Variants in DIAPH2 observed in about 807,000 individuals in gnomAD.
DIAPH2 encodes the protein protein diaphanous homolog 2.
Under a neutral mutation model 92.7 loss-of-function variants are expected in DIAPH2, and 35 were observed. The ratio of observed to expected loss-of-function variants is 0.38; its 90% CI spans 0.29 to 0.50. DIAPH2 has a LOEUF of 0.50. Among genes scored for constraint, DIAPH2 ranks in the 20% least tolerant of loss-of-function variants. The pLI is 0.94. For synonymous variants in DIAPH2, 301 were observed against 280.4 expected (o/e 1.07, Z -0.73); for missense variants, 701 against 819.5 (o/e 0.86, Z 1.77).
intron 25 of DIAPH2, among the ~76,000 whole-genome samples, chrX:97,427,110 G>A (rs1347914540): frequency 9.2e-6 from 1 of 109,017 alleles, no homozygotes; most frequent in Non-Finnish European, 1.9e-5. Context: ...CCCAGGAGGC[G>A]GAGGTTGTAG....
chrX:96,810,308 A>G (rs1186612624), intron 4 of DIAPH2, among the ~76,000 whole-genome samples: 2 of 112,064 alleles, frequency 1.8e-5, no homozygotes, highest in African/African-American at 6.5e-5. Context: ...TGGCTGCATA[A>G]ATGTCTTCTT....
chrX:96,914,200 A>G (rs2065487766), intron 7 of DIAPH2, among the ~76,000 whole-genome samples: 2 of 110,965 alleles, frequency 1.8e-5, no homozygotes, highest in South Asian at 7.6e-4. Context: ...AGTGGACATG[A>G]GACTCCTGAA....
chrX:97,508,182 A>T (rs1315768071), intron 26 of DIAPH2, among the ~76,000 whole-genome samples: 1 of 111,687 alleles, frequency 9.0e-6, no homozygotes, highest in East Asian at 2.8e-4. Context: ...CTAAAAAAAA[A>T]ATGACATGAC....
chrX:97,437,197 G>C (rs2070196086), intron 26 of DIAPH2, among the ~76,000 whole-genome samples: 1 of 111,749 alleles, frequency 8.9e-6, no homozygotes, highest in Admixed American at 9.6e-5. Context: ...CTTTCTCCCT[G>C]AAGATAAGTT....
intron 9 of DIAPH2, among the ~76,000 whole-genome samples, chrX:96,920,656 TGAGTA>T (rs1342502165): frequency 8.9e-6 from 1 of 111,838 alleles, no homozygotes; most frequent in Non-Finnish European, 1.9e-5. Context: ...CCTCTGCCAA[TGAGTA>T]GTTCACCCCA....
intron 23 of DIAPH2, among the ~76,000 whole-genome samples, chrX:97,250,816 T>A (rs1403002291): frequency 8.9e-6 from 1 of 111,925 alleles, no homozygotes; most frequent in Non-Finnish European, 1.9e-5. Flanking sequence ...TATAAAAATT[T>A]TCTTCATATA....
chrX:96,835,786 A>T (rs1246774406), intron 4 of DIAPH2, among the ~76,000 whole-genome samples: 1 of 111,334 alleles, frequency 9.0e-6, no homozygotes, highest in African/African-American at 3.3e-5. Flanking sequence ...CAAGTATCAC[A>T]CTTGACCACC....
intron 22 of DIAPH2, among the ~76,000 whole-genome samples, chrX:97,219,440 A>C (rs916925809): frequency 6.3e-5 from 7 of 111,908 alleles, no homozygotes; most frequent in African/African-American, 2.3e-4. Context: ...TTTCAGGGAA[A>C]ACATAAATAA....
intron 4 of DIAPH2, among the ~76,000 whole-genome samples, chrX:96,873,301 G>A (rs950803178): frequency 9.0e-6 from 1 of 111,334 alleles, no homozygotes; most frequent in African/African-American, 3.3e-5. Flanking sequence ...CTGTTGAGTT[G>A]CTTGAGCTCC....
intron 22 of DIAPH2, among the ~76,000 whole-genome samples, chrX:97,144,303 G>A (rs1325836514): frequency 9.0e-6 from 1 of 111,386 alleles, no homozygotes; most frequent in Non-Finnish European, 1.9e-5. Flanking sequence ...TAGCCTGGGC[G>A]ACAGAGCAAG....
At position 96,949,033 on chromosome X, in the gene DIAPH2, A is replaced by G. The variant is rs764916425; in HGVS notation, c.1608A>G (p.Arg536=). 27 of 1,174,398 alleles carry G rather than the reference A, an allele frequency of 2.3e-5. No individual in the cohort carries two copies. Among genetic ancestry groups the G allele is most frequent in the Non-Finnish European group, 3.1e-5 (27 of 867,809 alleles). Residue 536 remains arginine, a synonymous_variant, in exon 15 of 27, where the codon CGA becomes CGG. Coordinates refer to ENST00000324765, the MANE Select transcript of DIAPH2 (RefSeq NM_006729.5). ...TTGAAGCAGAAATCCAGCAACTTCG[A>G]ACCCAGGTAATGAAAGAAGATATAG... is the stretch of plus-strand genomic sequence containing the variant. ...KELEAEIQQL[R]TQAQVLSSSS...
intron 22 of DIAPH2, among the ~76,000 whole-genome samples, chrX:97,185,489 A>ATGTGTGTG (rs2067593656): frequency 2.5e-5 from 1 of 40,548 alleles, no homozygotes; most frequent in Non-Finnish European, 3.9e-5. Flanking sequence ...ATATATATAT[A>ATGTGTGTG]TATATATATA....
chrX:97,294,175 G>A (rs756788656), intron 23 of DIAPH2, among the ~76,000 whole-genome samples: 2 of 111,697 alleles, frequency 1.8e-5, no homozygotes, highest in East Asian at 2.8e-4. Context: ...CCTGGACTTC[G>A]CCTCTTAAGT....
At chrX:97,363,377 C>T (rs2069344135) in intron 24 of DIAPH2, among the ~76,000 whole-genome samples, 1 of 110,662 alleles carries the variant, frequency 9.0e-6, no homozygotes, top group African/African-American at 3.3e-5. Context: ...GCCAACTAGG[C>T]CAGGCGCAGT....
At chrX:97,254,950 C>T (rs1193886045) in intron 23 of DIAPH2, among the ~76,000 whole-genome samples, 5 of 110,840 alleles carry the variant, frequency 4.5e-5, no homozygotes, top group African/African-American at 1.6e-4. Flanking sequence ...GTGACCCACC[C>T]GCCTCAGCCT....
intron 4 of DIAPH2, among the ~76,000 whole-genome samples, chrX:96,821,068 A>C (rs1355570796): frequency 9.0e-6 from 1 of 111,596 alleles, no homozygotes; most frequent in Non-Finnish European, 1.9e-5. Flanking sequence ...AGGAAGTAGT[A>C]TGAGCGCCAA....
intron 26 of DIAPH2, chrX:97,453,923 C>A (rs933423245): frequency 9.0e-6 from 1 of 111,677 alleles, no homozygotes; most frequent in Non-Finnish European, 1.9e-5. Context: ...TGTAACATTG[C>A]AGCACAGGAA....
At chrX:97,207,031 C>G (rs1308538796) in intron 22 of DIAPH2, among the ~76,000 whole-genome samples, 1 of 111,253 alleles carries the variant, frequency 9.0e-6, no homozygotes, top group Admixed American at 9.6e-5. Flanking sequence ...CTGTTATCTA[C>G]TCACTTGCTA....
intron 26 of DIAPH2, among the ~76,000 whole-genome samples, chrX:97,436,613 T>A (rs2070189541): frequency 8.9e-6 from 1 of 111,788 alleles, no homozygotes; most frequent in Admixed American, 9.5e-5. Flanking sequence ...AAAACCCACA[T>A]TTCCCCAGGC....
Sources: allele counts gnomAD v4.1 joint callset (sites outside exome capture counted in the v4.1 genomes callset), GRCh38; gene constraint gnomAD v4.1.1; transcripts MANE v1.5; gene names NCBI Gene and HGNC (gene_info 2026-07-23, HGNC 2026-07-21).